The following LPL variants were observed in gnomAD, a reference collection of about 807,000 sequenced individuals.
LPL encodes the protein phospholipase A1.
Under a neutral mutation model 52.2 loss-of-function variants are expected in LPL, and 43 were observed. The observed-to-expected ratio is 0.82, with a 90% CI of 0.64 to 1.06. The LOEUF (loss-of-function observed/expected upper bound fraction) is 1.06, where lower values mean the gene tolerates loss of function less well. LPL is among the 50% of genes least tolerant of loss of function. LPL has a pLI of 0.00. For synonymous variants in LPL, 244 were observed against 215.6 expected (o/e 1.13, Z -1.15); for missense variants, 639 against 585.3 (o/e 1.09, Z -0.95).
rs570692720 is a variant in LPL, at chr8:19,950,407, G to T, written c.250-1362G>T. Among the ~76,000 whole-genome samples, 1 of 152,180 alleles carries T rather than the reference G, an allele frequency of 6.6e-6. No individual in the cohort carries two copies. The highest frequency in any genetic ancestry group is 1.5e-5 in the Non-Finnish European group (1 of 68,032). On this transcript the variant is annotated intron_variant, in intron 2 of 9. Transcript: ENST00000650287. The surrounding 1 kb of genome is among the most constrained non-coding windows in gnomAD (Gnocchi z 4.2). ...ATTACTTACATCAGTATTTTATGTTGATCAGAAAGAAAGGATTCAATTAGC... is the reference window on the plus strand; with the variant it reads ...ATTACTTACATCAGTATTTTATGTTTATCAGAAAGAAAGGATTCAATTAGC...
Position 19,948,340 on chromosome 8 carries a change from G to A in LPL, c.249G>A (p.Thr83=), listed in dbSNP as rs544872445. 63 of 1,613,716 alleles carry A rather than the reference G, an allele frequency of 3.9e-5. No homozygotes were observed. In the South Asian group the frequency reaches 5.3e-4, roughly 14 times the overall value. ...SKTFMVIHGW[T]VTGMYESWVP... ...CCTTCATGGTGATCCATGGCTGGAC[G>A]GTAAGGGAGGCTCTTTGGGGAAGAG... Residue 83 remains threonine (T), a splice_region_variant and synonymous_variant, in exon 2 of 10, where the codon ACG becomes ACA. Transcript: ENST00000650287.
At position 19,961,229 on chromosome 8, in the gene LPL, GTCT is replaced by G. The variant is rs555487908; in HGVS notation, c.1322+151_1322+153del. On this transcript the variant is annotated intron_variant, in intron 8 of 9. Transcript: ENST00000650287. ...TGTATGATGTAGATTTTCTTTAGGA[GTCT>G]TCTTTTATTTTCTTATTTTTGGGGG... is the stretch of plus-strand genomic sequence containing the variant. The G allele has an allele frequency of 3.6e-3, 940 of 258,302 alleles. 11 individuals are homozygous for G. The highest frequency in any genetic ancestry group is 5.2e-3 in the Admixed American group (70 of 13,510). 16.0% of individuals were successfully genotyped at this position (258,302 alleles called of 1,614,324 possible).
chr8:19,940,175 C>A (rs919064018), intron 1 of LPL, among the ~76,000 whole-genome samples: 1 of 152,208 alleles, frequency 6.6e-6, no homozygotes, highest in African/African-American at 2.4e-5. Flanking sequence ...GGCGTCCCAC[C>A]CGCTCTGGGG....
intron 8 of LPL, 76 bp downstream of exon 8, chr8:19,961,159 C>T: frequency 1.5e-6 from 2 of 1,306,504 alleles, no homozygotes; most frequent in South Asian, 1.2e-5. Flanking sequence ...ATTTCAGGGG[C>T]CTTCACAATT....
At position 19,961,566 on chromosome 8, in the gene LPL, T is replaced by G. The variant is rs320; in HGVS notation, c.1322+483T>G. Among the ~76,000 whole-genome samples the G allele has an allele frequency of 0.28, 42,827 of 152,060 alleles. 6,080 individuals carry two copies. Among genetic ancestry groups the G allele is most frequent in the African/African-American group, 0.32 (13,125 of 41,428 alleles). ...CAGAGATCGCTATAGGATTTAAAGC[T>G]TTTATACTAAATGTGCTGGGATTTT... On this transcript the variant is annotated intron_variant, in intron 8 of 9. Transcript: ENST00000650287.
Position 19,950,923 on chromosome 8 carries a change from A to AAGGAAGGAAGGGAGGG in LPL, c.250-839_250-824dup, listed in dbSNP as rs555841697. Among the ~76,000 whole-genome samples the AAGGAAGGAAGGGAGGG allele has an allele frequency of 0.028, 4,146 of 145,690 alleles. 123 individuals carry two copies. Among genetic ancestry groups the AAGGAAGGAAGGGAGGG allele is most frequent in the Non-Finnish European group, 0.05 (3,193 of 64,326 alleles). On this transcript the variant is annotated intron_variant, in intron 2 of 9. Transcript: ENST00000650287. The surrounding 1 kb of genome is among the most constrained non-coding windows in gnomAD (Gnocchi z 4.2). ...GAAGGAAGGAAGGAAGGAATGAAGG[A>AAGGAAGGAAGGGAGGG]AGGAAGGAAGGGAGGGAGGAAGAAA... is the stretch of plus-strand genomic sequence containing the variant.
intron 7 of LPL, among the ~76,000 whole-genome samples, chr8:19,960,043 C>T (rs2070024139): frequency 6.6e-6 from 1 of 151,968 alleles, no homozygotes; most frequent in South Asian, 2.1e-4. Flanking sequence ...CCCGCCTCGG[C>T]CTCCCAAAGT....
At chr8:19,951,685 C>T in intron 2 of LPL, 84 bp from the exon 3 acceptor site, 2 of 1,474,024 alleles carry the variant, frequency 1.4e-6, no homozygotes, top group Non-Finnish European at 1.9e-6. Context: ...TTGTTTTTTC[C>T]ATTTCATGCA....
chr8:19,951,865 C>A lies in LPL; in HGVS notation c.346C>A (p.Arg116=), dbSNP rs772230128. 1.2e-6 allele frequency: 2 copies of A among 1,613,974 alleles called. No homozygotes were observed. Among genetic ancestry groups the A allele is most frequent in the African/African-American group, 1.3e-5 (1 of 74,892 alleles). The change falls in exon 3 of 10, where the codon CGG becomes AGG. Residue 116 remains arginine (R), a synonymous_variant. Coordinates refer to ENST00000650287, the MANE Select transcript of LPL (RefSeq NM_000237.3). ...TGTCATTGTGGTGGACTGGCTGTCACGGGCTCAGGAGCATTACCCAGTGTC... is the reference window on the plus strand; with the variant it reads ...TGTCATTGTGGTGGACTGGCTGTCAAGGGCTCAGGAGCATTACCCAGTGTC... ...SNVIVVDWLS[R]AQEHYPVSAG...
intron 6 of LPL, among the ~76,000 whole-genome samples, chr8:19,957,554 G>T (rs990406792): frequency 2.6e-5 from 4 of 152,138 alleles, no homozygotes; most frequent in African/African-American, 9.7e-5. Context: ...GCACCAGTGG[G>T]TTCAAGGCTC....
rs328 is a variant in LPL, at chr8:19,962,213, C to G, written c.1421C>G (p.Ser474Ter). 156,015 of 1,611,322 alleles carry G rather than the reference C, an allele frequency of 0.097. 7,879 individuals are homozygous for G. The highest frequency in any genetic ancestry group is 0.12 in the East Asian group (5,403 of 44,816). Residue 474 changes from serine (S) to a stop codon, truncating the protein, a stop_gained, in exon 9 of 10, where the codon TCA (serine) becomes TGA (stop). Coordinates refer to ENST00000650287, the MANE Select transcript of LPL (RefSeq NM_000237.3). LOFTEE classifies it high-confidence loss of function. ...KCHDKSLNKK[S>*]G ...CATGACAAGTCTCTGAATAAGAAGT[C>G]AGGCTGGTGAGCATTCTGGGCTAAA...
intron 1 of LPL, among the ~76,000 whole-genome samples, chr8:19,941,440 T>G (rs1240617371): frequency 6.6e-6 from 1 of 152,198 alleles, no homozygotes; most frequent in African/African-American, 2.4e-5. Flanking sequence ...GTGTCACCTC[T>G]CTGGGTTTAG....
Position 19,944,697 on chromosome 8 carries a change from T to G in LPL, c.89-3483T>G, listed in dbSNP as rs1458690337. Among the ~76,000 whole-genome samples, 1 of 152,244 alleles carries G rather than the reference T, an allele frequency of 6.6e-6. No homozygotes were observed. The highest frequency in any genetic ancestry group is 1.5e-5 in the Non-Finnish European group (1 of 68,044). On this transcript the variant is annotated intron_variant, in intron 1 of 9. Transcript: ENST00000650287. The surrounding 1 kb of genome is among the most constrained non-coding windows in gnomAD (Gnocchi z 4.2). ...TTTATCTTTCTCTACGTGCTTTAAC[T>G]TCTCAGCCTAATTTCGTCTCTGTGA...
At chr8:19,951,677 G>GT (rs1389119584) in intron 2 of LPL, 92 bp from the exon 3 acceptor site, 6 of 1,414,380 alleles carry the variant, frequency 4.2e-6, no homozygotes, top group Non-Finnish European at 6.0e-6. Flanking sequence ...AATCAAGTTT[G>GT]TTTTTTCCAT....
chr8:19,956,201 C>G, intron 6 of LPL, 118 bp downstream of exon 6: 2 of 1,417,982 alleles, frequency 1.4e-6, no homozygotes, highest in Non-Finnish European at 2.0e-6. Flanking sequence ...GTTACTAAAC[C>G]CTGAGCCCTG....
chr8:19,947,656 A>ACACCCCCCC (rs1563568836), intron 1 of LPL, among the ~76,000 whole-genome samples: 2 of 69,592 alleles, frequency 2.9e-5, no homozygotes, highest in Non-Finnish European at 6.5e-5. Context: ...AAACAAAACA[A>ACACCCCCCC]CCCCCCCCCC....
In LPL at chr8:19,967,013, T is replaced by C. The variant is rs1268694306; in HGVS notation, c.*1703T>C. Reference sequence around the variant, plus strand: ...TATCAAGGATGTTCTGGCTTTACATTTTATTTATTAGCTGTAAATACATGT... The same window carrying C: ...TATCAAGGATGTTCTGGCTTTACATCTTATTTATTAGCTGTAAATACATGT... On this transcript the variant is annotated 3_prime_UTR_variant, in exon 10 of 10. Transcript: ENST00000650287. 1.3e-5 allele frequency: 2 copies of C among 152,638 alleles called. No homozygotes were observed. Among genetic ancestry groups the C allele is most frequent in the Middle Eastern group, 3.2e-3 (1 of 316 alleles). The allele number at this position is 152,638 out of a possible 1,614,324, so 9.5% of individuals were successfully genotyped here. A position where few individuals can be genotyped will look rare whatever the true frequency, so the allele number is the denominator to read the frequency against.
At chr8:19,957,949 G>C (rs2070001544) in intron 6 of LPL, among the ~76,000 whole-genome samples, 1 of 151,470 alleles carries the variant, frequency 6.6e-6, no homozygotes, top group Non-Finnish European at 1.5e-5. Flanking sequence ...ATCTGACCAA[G>C]GATAGTGGGA....
At chr8:19,961,245 T>C (rs2070036094) in intron 8 of LPL, among the ~76,000 whole-genome samples, 162 bp downstream of exon 8, 1 of 134,188 alleles carries the variant, frequency 7.5e-6, no homozygotes. Context: ...TTTTATTTTC[T>C]TATTTTTGGG....
Sources: gnomAD v4.1 joint callset for allele counts (sites outside exome capture counted in the v4.1 genomes callset) on GRCh38, gnomAD v4.1.1 for gene constraint, Gnocchi (gnomAD v3.1) non-coding constraint, MANE v1.5 for transcripts, NCBI Gene and HGNC (gene_info 2026-07-23, HGNC 2026-07-21) for gene names.